Variants in NRG1 observed in about 807,000 individuals in gnomAD.
NRG1 encodes neuregulin 1.
In NRG1, 18 loss-of-function variants were observed where a neutral mutation model predicts 63.8. That is an observed-to-expected ratio of 0.28 (90% CI 0.19 to 0.42). The LOEUF is 0.42. Ranked by LOEUF, NRG1 falls within the 10% of genes least tolerant of loss-of-function variation. NRG1 has a pLI of 1.00. For synonymous variants in NRG1, 302 were observed against 301.3 expected (o/e 1.00, Z -0.02); for missense variants, 762 against 814.7 (o/e 0.94, Z 0.79).
intron 1 of NRG1, among the ~76,000 whole-genome samples, chr8:31,680,350 T>G (rs1808198791): frequency 6.8e-6 from 1 of 146,592 alleles, no homozygotes; most frequent in Non-Finnish European, 1.5e-5. Context: ...GTCCATGTGT[T>G]CTCATTGTTC....
intron 1 of NRG1, among the ~76,000 whole-genome samples, chr8:31,994,055 T>C (rs879812616): frequency 1.7e-4 from 26 of 152,000 alleles, no homozygotes; most frequent in Non-Finnish European, 2.8e-4. Context: ...CTAGTTGCCA[T>C]CTTAAAGCGA....
At chr8:32,344,382 C>CTTTCTTTCTT (rs59156035) in intron 1 of NRG1, among the ~76,000 whole-genome samples, 2 of 65,956 alleles carry the variant, frequency 3.0e-5, no homozygotes, top group Admixed American at 1.7e-4. Context: ...TTCTTTCTTT[C>CTTTCTTTCTT]TCTTTCTTTC....
intron 1 of NRG1, among the ~76,000 whole-genome samples, chr8:32,518,039 G>A (rs967692272): frequency 2.6e-5 from 4 of 151,942 alleles, no homozygotes; most frequent in African/African-American, 4.8e-5. Context: ...CAAGATCTAA[G>A]GAAAAGATAA....
intron 1 of NRG1, among the ~76,000 whole-genome samples, chr8:31,842,347 T>C (rs1258543963): frequency 6.6e-6 from 1 of 152,228 alleles, no homozygotes; most frequent in African/African-American, 2.4e-5. Context: ...TTAGGTCATG[T>C]ACTTATTACT....
chr8:32,297,516 G>C (rs1290571057), intron 1 of NRG1, among the ~76,000 whole-genome samples: 1 of 152,216 alleles, frequency 6.6e-6, no homozygotes, highest in African/African-American at 2.4e-5. Flanking sequence ...CTGGCTCTTA[G>C]ATGGCTTGCC....
intron 1 of NRG1, among the ~76,000 whole-genome samples, chr8:31,992,461 C>G (rs1811259525): frequency 6.6e-6 from 1 of 151,876 alleles, no homozygotes; most frequent in Non-Finnish European, 1.5e-5. Flanking sequence ...TTGACAAGAA[C>G]AGCTTTTGAT....
At chr8:31,669,661 G>A (rs1199059835) in intron 1 of NRG1, among the ~76,000 whole-genome samples, 5 of 152,138 alleles carry the variant, frequency 3.3e-5, no homozygotes, top group African/African-American at 7.2e-5. Flanking sequence ...TGGCATCACC[G>A]TCACTCCTGA....
chr8:32,021,980 G>A (rs947190149), intron 1 of NRG1, among the ~76,000 whole-genome samples: 1 of 152,142 alleles, frequency 6.6e-6, no homozygotes, highest in Non-Finnish European at 1.5e-5. Flanking sequence ...AGAGGCAGAA[G>A]TGGTTGGTGT....
intron 1 of NRG1, among the ~76,000 whole-genome samples, chr8:31,781,205 T>C (rs1198336233): frequency 6.6e-6 from 1 of 152,168 alleles, no homozygotes; most frequent in Non-Finnish European, 1.5e-5. Flanking sequence ...TTAAGATAGA[T>C]CTGACATGGA....
At chr8:32,769,258 G>A (rs1039272898), downstream of NRG1, among the ~76,000 whole-genome samples, 1 of 152,148 alleles carries the variant, frequency 6.6e-6, no homozygotes, top group South Asian at 2.1e-4. Context: ...TGTTTGCCTG[G>A]GATATAGTAT....
chr8:31,851,272 T>G (rs780013867), intron 1 of NRG1, among the ~76,000 whole-genome samples: 17 of 152,206 alleles, frequency 1.1e-4, no homozygotes, highest in Non-Finnish European at 1.9e-4. Flanking sequence ...GTAGCCTTAG[T>G]AGCAAAAGGA....
intron 1 of NRG1, among the ~76,000 whole-genome samples, chr8:31,767,367 G>C (rs1202455703): frequency 6.6e-6 from 1 of 152,140 alleles, no homozygotes; most frequent in African/African-American, 2.4e-5. Context: ...AGAGTCCTAT[G>C]CTCCTTTAAC....
At chr8:32,073,407 G>A (rs531399558) in intron 1 of NRG1, among the ~76,000 whole-genome samples, 39 of 151,990 alleles carry the variant, frequency 2.6e-4, no homozygotes, top group Non-Finnish European at 5.0e-4. Context: ...GAATAAAAAT[G>A]GAAAAGTCCT....
intron 1 of NRG1, among the ~76,000 whole-genome samples, chr8:31,831,646 C>A (rs1188436756): frequency 1.3e-5 from 2 of 152,146 alleles, no homozygotes; most frequent in African/African-American, 4.8e-5. Context: ...TATTCTCTCT[C>A]TATGGAGAGG....
chr8:32,377,005 A>G (rs1475745795), intron 1 of NRG1, among the ~76,000 whole-genome samples: 1 of 152,246 alleles, frequency 6.6e-6, no homozygotes, highest in African/African-American at 2.4e-5. Context: ...GTAATGGACA[A>G]TGCCCTCAAC....
chr8:32,502,263 T>C (rs1827946201), intron 1 of NRG1, among the ~76,000 whole-genome samples: 1 of 151,270 alleles, frequency 6.6e-6, no homozygotes, highest in Admixed American at 6.6e-5. Flanking sequence ...TGCCACACAA[T>C]TTTAAATGAC....
At chr8:32,705,901 A>G (rs1206425370) in intron 5 of NRG1, among the ~76,000 whole-genome samples, 1 of 152,222 alleles carries the variant, frequency 6.6e-6, no homozygotes, top group Non-Finnish European at 1.5e-5. Flanking sequence ...TTCTTTAGTT[A>G]CAAGGAATTG....
intron 1 of NRG1, among the ~76,000 whole-genome samples, chr8:32,101,617 A>T (rs1016205911): frequency 6.6e-5 from 10 of 152,054 alleles, no homozygotes; most frequent in African/African-American, 2.2e-4. Context: ...TTAAATCATA[A>T]GTTTAATTCG....
chr8:31,745,643 A>G (rs1563353211), intron 1 of NRG1, among the ~76,000 whole-genome samples: 2 of 151,952 alleles, frequency 1.3e-5, no homozygotes, highest in African/African-American at 4.8e-5. Flanking sequence ...CCTGTGGTTT[A>G]CTAGCCAAGA....
Sources: allele counts gnomAD v4.1 joint callset (sites outside exome capture counted in the v4.1 genomes callset), GRCh38; gene constraint gnomAD v4.1.1; transcripts MANE v1.5; gene names NCBI Gene and HGNC (gene_info 2026-07-23, HGNC 2026-07-21).